SRFBP1: variants seen among roughly 807,000 people sequenced by gnomAD.
SRFBP1 encodes serum response factor binding protein 1.
A neutral mutation model predicts 45.5 loss-of-function variants in SRFBP1; 47 were observed. The ratio of observed to expected loss-of-function variants is 1.03; its 90% CI spans 0.82 to 1.32. SRFBP1 has a LOEUF of 1.32. Ranked by LOEUF, SRFBP1 falls within the 40% of genes most tolerant of loss-of-function variation. The pLI, the probability that SRFBP1 is intolerant of heterozygous loss-of-function variation, is 0.00. For missense variants in SRFBP1, 621 were observed against 484.6 expected (o/e 1.28, Z -2.64); for synonymous variants, 203 against 166.3 (o/e 1.22, Z -1.70).
At chr5:122,058,850 A>C (rs1466140208) in intron 2 of SRFBP1, among the ~76,000 whole-genome samples, 1 of 152,166 alleles carries the variant, frequency 6.6e-6, no homozygotes, top group Non-Finnish European at 1.5e-5. Context: ...ATGGTACCTC[A>C]GTGAAATGAG....
chr5:122,029,084 G>A (rs1448410145), downstream of SRFBP1, among the ~76,000 whole-genome samples: 1 of 150,636 alleles, frequency 6.6e-6, no homozygotes, highest in Non-Finnish European at 1.5e-5. Context: ...TCCCCCCAGG[G>A]AACATTTGGC....
At chr5:122,015,463 T>G (rs913200442) in intron 4 of SRFBP1, among the ~76,000 whole-genome samples, 1 of 152,234 alleles carries the variant, frequency 6.6e-6, no homozygotes, top group Admixed American at 6.5e-5. Flanking sequence ...TTGCATGTAA[T>G]TTAGAGCAGG....
At chr5:122,010,428 G>A (rs1753067974) in intron 4 of SRFBP1, among the ~76,000 whole-genome samples, 1 of 152,124 alleles carries the variant, frequency 6.6e-6, no homozygotes, top group Admixed American at 6.5e-5. Context: ...GGTATTTAAT[G>A]TAAGTTTTAA....
chr5:122,052,865 G>A (rs1343700457), intron 2 of SRFBP1, among the ~76,000 whole-genome samples: 1 of 152,088 alleles, frequency 6.6e-6, no homozygotes, highest in Admixed American at 6.5e-5. Context: ...TCATTTGTAT[G>A]GGCTGATGTT....
chr5:122,039,946 C>T (rs537718906), intron 2 of SRFBP1, among the ~76,000 whole-genome samples: 6 of 152,192 alleles, frequency 3.9e-5, no homozygotes, highest in African/African-American at 1.4e-4. Flanking sequence ...CCTGGAGACT[C>T]TTTTTGCTTA....
At chr5:122,026,474 T>A (rs983597522) in intron 7 of SRFBP1, among the ~76,000 whole-genome samples, 8 of 152,234 alleles carry the variant, frequency 5.3e-5, no homozygotes, top group Non-Finnish European at 8.8e-5. Flanking sequence ...AATCAACTTA[T>A]AGCCTTTAAA....
intron 4 of SRFBP1, among the ~76,000 whole-genome samples, chr5:122,014,709 A>G (rs1267761944): frequency 6.6e-6 from 1 of 152,238 alleles, no homozygotes; most frequent in African/African-American, 2.4e-5. Flanking sequence ...TCCAGGGCAG[A>G]GAAACAGCTT....
chr5:122,077,342 TG>T (rs1432866872), downstream of SRFBP1: 3 of 1,613,424 alleles, frequency 1.9e-6, no homozygotes, highest in African/African-American at 4.0e-5. The surrounding 1 kb of genome is among the most constrained non-coding windows in gnomAD (Gnocchi z 4.9). Flanking sequence ...CCAGCGGACT[TG>T]GGGGTACTTA....
chr5:122,000,042 A>C (rs1752823565), intron 4 of SRFBP1, among the ~76,000 whole-genome samples: 1 of 152,050 alleles, frequency 6.6e-6, no homozygotes, highest in Non-Finnish European at 1.5e-5. Flanking sequence ...TCTGTGAGTT[A>C]AATGAGCATC....
chr5:122,077,598 A>G (rs139035462), downstream of SRFBP1: 110 of 1,612,520 alleles, frequency 6.8e-5, no homozygotes, highest in African/African-American at 1.3e-3. The surrounding 1 kb of genome is among the most constrained non-coding windows in gnomAD (Gnocchi z 4.9). Flanking sequence ...CTAGATGTCG[A>G]GTAGCCAGCT....
At chr5:121,997,513 T>C (rs1233516059) in intron 4 of SRFBP1, among the ~76,000 whole-genome samples, 1 of 151,706 alleles carries the variant, frequency 6.6e-6, no homozygotes, top group Non-Finnish European at 1.5e-5. Context: ...CAAAAATCAA[T>C]TCAAGATGGA....
intron 3 of SRFBP1, among the ~76,000 whole-genome samples, chr5:121,991,810 A>G (rs1752626950): frequency 6.6e-6 from 1 of 152,066 alleles, no homozygotes; most frequent in African/African-American, 2.4e-5. Flanking sequence ...GTTTTAGGAG[A>G]CAGTATTCCC....
chr5:122,055,520 A>G (rs1754063370), intron 2 of SRFBP1, among the ~76,000 whole-genome samples: 1 of 152,222 alleles, frequency 6.6e-6, no homozygotes, highest in African/African-American at 2.4e-5. Context: ...TACAGTTTTA[A>G]AAGTTGTCCA....
At chr5:122,004,239 C>G (rs77493703) in intron 4 of SRFBP1, among the ~76,000 whole-genome samples, 1 of 152,260 alleles carries the variant, frequency 6.6e-6, no homozygotes, top group East Asian at 1.9e-4. Flanking sequence ...TTATGTTTTC[C>G]TCTAGCAGTT....
chr5:122,033,759 G>A (rs905325090), intron 2 of SRFBP1, among the ~76,000 whole-genome samples: 6 of 149,636 alleles, frequency 4.0e-5, no homozygotes, highest in Non-Finnish European at 5.9e-5. Context: ...ACGCCCAGCC[G>A]GTGCTTCTGC....
At chr5:122,075,597 A>C, downstream of SRFBP1, 1 of 1,208,572 alleles carries the variant, frequency 8.3e-7, no homozygotes, top group Non-Finnish European at 1.2e-6. Context: ...ACTAAAGACA[A>C]AACTACAAAT....
chr5:121,966,948 T>TTTG (rs1485324478), intron 1 of SRFBP1, among the ~76,000 whole-genome samples: 3 of 117,492 alleles, frequency 2.6e-5, no homozygotes, highest in Non-Finnish European at 5.0e-5. Flanking sequence ...CCCAGCTAAT[T>TTTG]TTTTTTTTTT....
rs376066510 is a variant in SRFBP1, at chr5:122,048,782, A to G, written n.311+26375A>G. 3.3e-5 allele frequency among the ~76,000 whole-genome samples: 5 copies of G among 152,098 alleles called. No individual in the cohort carries two copies. The East Asian group carries it at 9.6e-4, about 29-fold the overall frequency. On this transcript the variant is annotated intron_variant and non_coding_transcript_variant, in intron 2 of 2. Transcript: ENST00000504881. ...TCCTTGTTTAGTCTTGGGAGGGTAT[A>G]TGTGTCCAGGAATTTATCCATTTCT... is the stretch of plus-strand genomic sequence containing the variant.
intron 4 of SRFBP1, among the ~76,000 whole-genome samples, chr5:122,009,003 A>G (rs562796552): frequency 1.3e-5 from 2 of 152,348 alleles, no homozygotes; most frequent in South Asian, 2.1e-4. Flanking sequence ...CGTTCAATTT[A>G]GGAGATATGC....
Sources: allele counts gnomAD v4.1 joint callset (sites outside exome capture counted in the v4.1 genomes callset), GRCh38; gene constraint gnomAD v4.1.1; non-coding constraint Gnocchi (gnomAD v3.1); transcripts MANE v1.5; gene names NCBI Gene and HGNC (gene_info 2026-07-23, HGNC 2026-07-21).